MAGI1: variants seen among roughly 807,000 people sequenced by gnomAD.
MAGI1 encodes the protein membrane-associated guanylate kinase, WW and PDZ domain-containing protein 1.
A neutral mutation model predicts 139.9 loss-of-function variants in MAGI1; 58 were observed. The ratio of observed to expected loss-of-function variants is 0.41; its 90% CI spans 0.34 to 0.52. MAGI1 has a LOEUF of 0.52. Ranked by LOEUF, MAGI1 falls within the 20% of genes least tolerant of loss-of-function variation. MAGI1 has a pLI of 0.12. For missense variants in MAGI1, 1,874 were observed against 1,901.6 expected, an observed-to-expected ratio of 0.99 and a Z score of 0.27; for synonymous variants, 812 against 737.9, an observed-to-expected ratio of 1.10 and a Z score of -1.63.
At chr3:65,798,069 G>A (rs2040260666) in intron 1 of MAGI1, among the ~76,000 whole-genome samples, 1 of 152,158 alleles carries the variant, frequency 6.6e-6, no homozygotes, top group African/African-American at 2.4e-5. Flanking sequence ...ACTTTGGGAG[G>A]CCAAGGCAGG....
At chr3:65,427,000 A>C (rs1947090836) in intron 12 of MAGI1, among the ~76,000 whole-genome samples, 1 of 152,196 alleles carries the variant, frequency 6.6e-6, no homozygotes, top group Admixed American at 6.5e-5. Flanking sequence ...TTAAGAAGAG[A>C]GAATGCAAAC....
At chr3:65,884,756 A>C (rs924520685) in intron 1 of MAGI1, among the ~76,000 whole-genome samples, 1 of 152,034 alleles carries the variant, frequency 6.6e-6, no homozygotes, top group African/African-American at 2.4e-5. Flanking sequence ...CTCCATCCCC[A>C]CTTTGGGAGG....
At position 65,657,430 on chromosome 3, in the gene MAGI1, T is replaced by C. The variant is rs1479649218; in HGVS notation, c.314-35342A>G. Among the ~76,000 whole-genome samples, 6 of 97,866 alleles carry C rather than the reference T, an allele frequency of 6.1e-5. No homozygotes were observed. In the East Asian group the frequency reaches 6.5e-3, roughly 105 times the overall value. The allele number at this position is 97,866 out of a possible 152,430, so 64.2% of individuals were successfully genotyped here. On this transcript the variant is annotated intron_variant, in intron 1 of 22. Transcript: ENST00000402939. Reference sequence around the variant, plus strand: ...GGCAAAACAGTGAGACCCCCATCTCTATCAAAAAAAAAAAAAAAACACATA... The same window carrying C: ...GGCAAAACAGTGAGACCCCCATCTCCATCAAAAAAAAAAAAAAAACACATA...
intron 2 of MAGI1, among the ~76,000 whole-genome samples, chr3:65,540,880 C>G (rs551595102): frequency 2.6e-5 from 4 of 152,168 alleles, no homozygotes; most frequent in Non-Finnish European, 5.9e-5. Context: ...AGCAGATGTG[C>G]TGGGAAGAGC....
chr3:65,359,065 G>A lies in MAGI1; in HGVS notation c.3635-1933C>T, dbSNP rs757460873. 1.2e-5 allele frequency: 19 copies of A among 1,613,120 alleles called. No homozygotes were observed. In the South Asian group the frequency reaches 1.4e-4, roughly 12 times the overall value. On this transcript the variant is annotated intron_variant, in intron 22 of 22. Transcript: ENST00000402939. ...CCTAGTATTGATTGAGCTACAAACC[G>A]TAGTTTGATTATGGCCCATAAGGTA...
At chr3:65,726,943 A>G (rs969922347) in intron 1 of MAGI1, among the ~76,000 whole-genome samples, 2 of 147,648 alleles carry the variant, frequency 1.4e-5, no homozygotes, top group African/African-American at 5.1e-5. Context: ...GAAATCCAAT[A>G]TGCTCCAAAA....
rs74505057 is a variant in MAGI1, at chr3:66,015,853, A to C, written c.313+22143T>G. Reference sequence around the variant, plus strand: ...TACATCAATCATTCTAGAACACTAAAGACTCAGGGATCACTTAATTGCTCT... The same window carrying C: ...TACATCAATCATTCTAGAACACTAACGACTCAGGGATCACTTAATTGCTCT... On this transcript the variant is annotated intron_variant, in intron 1 of 22. Transcript: ENST00000402939. Among the ~76,000 whole-genome samples, 537 of 152,328 alleles carry C rather than the reference A, an allele frequency of 3.5e-3. 4 individuals are homozygous for C. Among genetic ancestry groups the C allele is most frequent in the Middle Eastern group, 0.01 (3 of 294 alleles).
chr3:65,772,008 C>A (rs1215579034), intron 1 of MAGI1, among the ~76,000 whole-genome samples: 1 of 152,094 alleles, frequency 6.6e-6, no homozygotes, highest in Non-Finnish European at 1.5e-5. Context: ...CAAGACAAGC[C>A]CGGCCAAGAT....
intron 1 of MAGI1, among the ~76,000 whole-genome samples, chr3:65,673,091 T>G (rs1234621339): frequency 2.6e-5 from 4 of 152,168 alleles, no homozygotes; most frequent in South Asian, 2.1e-4. Flanking sequence ...CACAGAGCTG[T>G]TGCACTTGTG....
intron 1 of MAGI1, among the ~76,000 whole-genome samples, chr3:65,950,714 C>A (rs193169141): frequency 5.9e-5 from 9 of 152,150 alleles, no homozygotes; most frequent in Non-Finnish European, 1.2e-4. Context: ...TGCTACCCCC[C>A]ACTGGTCGGC....
chr3:65,363,444 CAG>C lies in MAGI1; in HGVS notation c.3495+19_3495+20del, dbSNP rs1301449914. On this transcript the variant is annotated intron_variant, in intron 21 of 22. Transcript: ENST00000402939. ...GCAGATGGTTTCTTTGCACCTACCCCAGACTCCTCTCTCCACTTACCCTCATC... is the reference window on the plus strand; with the variant it reads ...GCAGATGGTTTCTTTGCACCTACCCCACTCCTCTCTCCACTTACCCTCATC... 2 of 1,593,326 alleles carry C rather than the reference CAG, an allele frequency of 1.3e-6. No individual in the cohort carries two copies. The highest frequency in any genetic ancestry group is 2.3e-5 in the South Asian group (2 of 87,780).
intron 1 of MAGI1, among the ~76,000 whole-genome samples, chr3:65,861,085 C>T (rs957720962): frequency 7.9e-5 from 12 of 152,102 alleles, no homozygotes; most frequent in Non-Finnish European, 1.2e-4. Flanking sequence ...AGCCACAACG[C>T]GGCCTTTGAT....
chr3:65,640,701 C>G (rs1443397863), intron 1 of MAGI1, among the ~76,000 whole-genome samples: 2 of 152,208 alleles, frequency 1.3e-5, no homozygotes. Flanking sequence ...GTTGAATTCT[C>G]TTAACTTCCT....
intron 1 of MAGI1, among the ~76,000 whole-genome samples, chr3:65,753,994 G>T (rs2036368867): frequency 6.6e-6 from 1 of 152,104 alleles, no homozygotes; most frequent in Admixed American, 6.5e-5. Context: ...TGTAAAGAAT[G>T]AATAACTTAT....
chr3:65,456,245 T>C lies in MAGI1; in HGVS notation c.960-2905A>G, dbSNP rs73133314. ...ATTGTGGTTTTCATTTCCATTTCCC[T>C]AGAGCTAACTAATTTTTTCCCTAGG... On this transcript the variant is annotated intron_variant, in intron 5 of 22. Coordinates refer to ENST00000402939, the MANE Select transcript of MAGI1 (RefSeq NM_001033057.2). Among the ~76,000 whole-genome samples the C allele has an allele frequency of 2.8e-4, 42 of 152,346 alleles. 1 individual carries two copies. In the South Asian group the frequency reaches 3.1e-3, roughly 11 times the overall value.
intron 1 of MAGI1, among the ~76,000 whole-genome samples, chr3:65,858,755 A>G (rs1371421862): frequency 6.6e-6 from 1 of 152,180 alleles, no homozygotes; most frequent in African/African-American, 2.4e-5. Context: ...CATGGGGTGA[A>G]ACCACAGTGC....
At chr3:65,727,742 G>C (rs949431340) in intron 1 of MAGI1, among the ~76,000 whole-genome samples, 12 of 152,228 alleles carry the variant, frequency 7.9e-5, no homozygotes, top group Middle Eastern at 3.4e-3. Flanking sequence ...ATATGCTCTA[G>C]GCACTGGGAC....
At chr3:66,036,641 C>A (rs1174266632) in intron 1 of MAGI1, among the ~76,000 whole-genome samples, 1 of 152,180 alleles carries the variant, frequency 6.6e-6, no homozygotes, top group African/African-American at 2.4e-5. Context: ...CCAGGCGAGT[C>A]GGCCGCCCCC....
chr3:65,899,719 A>T (rs574868755), intron 1 of MAGI1, among the ~76,000 whole-genome samples: 13 of 152,328 alleles, frequency 8.5e-5, no homozygotes, highest in African/African-American at 2.9e-4. Flanking sequence ...ATACATATGG[A>T]GCCCCAAAGA....
Sources: gnomAD v4.1 joint callset for allele counts (sites outside exome capture counted in the v4.1 genomes callset) on GRCh38, gnomAD v4.1.1 for gene constraint, MANE v1.5 for transcripts, NCBI Gene and HGNC (gene_info 2026-07-23, HGNC 2026-07-21) for gene names.